The following PLCB4 variants were observed in gnomAD, a reference collection of about 807,000 sequenced individuals.
PLCB4 encodes the protein phospholipase C beta 4, also known as 1-phosphatidylinositol 4,5-bisphosphate phosphodiesterase beta-4.
A neutral mutation model predicts 178.8 loss-of-function variants in PLCB4; 77 were observed. That is an observed-to-expected ratio of 0.43 (90% CI 0.36 to 0.52). The LOEUF is 0.52. PLCB4 is among the 20% of genes least tolerant of loss of function. PLCB4 has a pLI of 0.00. For synonymous variants in PLCB4, 496 were observed against 490.8 expected (o/e 1.01, Z -0.14); for missense variants, 1,024 against 1,453.4 (o/e 0.70, Z 4.80).
intron 11 of PLCB4, 45 bp downstream of exon 11, chr20:9,372,448 T>A: frequency 1.0e-6 from 1 of 953,838 alleles, no homozygotes; most frequent in Non-Finnish European, 1.6e-6. Flanking sequence ...ATTATCACTG[T>A]CCTTTTCGAT....
intron 3 of PLCB4, among the ~76,000 whole-genome samples, chr20:9,262,560 A>G (rs1601497212): frequency 6.6e-6 from 1 of 152,162 alleles, no homozygotes; most frequent in South Asian, 2.1e-4. Context: ...AGTTTTAATA[A>G]TAGAGGAGTT....
At chr20:9,075,042 A>C (rs923788605) in intron 1 of PLCB4, among the ~76,000 whole-genome samples, 1 of 152,160 alleles carries the variant, frequency 6.6e-6, no homozygotes, top group African/African-American at 2.4e-5. Flanking sequence ...TTGAGCAGTT[A>C]AAATGTGCCA....
intron 3 of PLCB4, among the ~76,000 whole-genome samples, chr20:9,304,144 G>A (rs2094737152): frequency 6.7e-6 from 1 of 149,018 alleles, no homozygotes. Context: ...TACATATCTA[G>A]GTTTTGGTTT....
At chr20:9,426,626 C>G (rs1003153806) in intron 28 of PLCB4, among the ~76,000 whole-genome samples, 4 of 152,118 alleles carry the variant, frequency 2.6e-5, no homozygotes, top group Admixed American at 2.0e-4. Flanking sequence ...ATCCACTTGC[C>G]TTGGCCTCCC....
At chr20:9,378,839 ACATCCAAGTGCTCTGTTGGCCAAAAG>A (rs2036902107) in intron 12 of PLCB4, among the ~76,000 whole-genome samples, 1 of 152,162 alleles carries the variant, frequency 6.6e-6, no homozygotes, top group African/African-American at 2.4e-5. Context: ...TGAGGAAATG[ACATCCAAGTGCTCTGTTGGCCAAAAG>A]CATTCATTCT....
upstream of PLCB4, chr20:9,068,886 C>A (rs1221219776): frequency 6.6e-6 from 1 of 151,444 alleles, no homozygotes; most frequent in East Asian, 2.0e-4. Flanking sequence ...ACGGCGGAGA[C>A]CCCCGCCCTC....
At chr20:9,220,655 T>TATA (rs1230189744) in intron 3 of PLCB4, among the ~76,000 whole-genome samples, 2 of 152,142 alleles carry the variant, frequency 1.3e-5, no homozygotes, top group Non-Finnish European at 2.9e-5. Flanking sequence ...TTGTATTAAT[T>TATA]ATATACAGAA....
intron 20 of PLCB4, among the ~76,000 whole-genome samples, chr20:9,404,090 T>C (rs1283977807): frequency 6.6e-6 from 1 of 152,144 alleles, no homozygotes; most frequent in African/African-American, 2.4e-5. Flanking sequence ...CTTTTTCGGA[T>C]GAATGAATCT....
rs147021425 is a variant in PLCB4, at chr20:9,143,359, T to C, written c.-79+47017T>C. ...TGTTGAGTGAATGAAACAAATGCTGTTAGAAACTTCTTTTTGAGTGGAATT... is the reference window on the plus strand; with the variant it reads ...TGTTGAGTGAATGAAACAAATGCTGCTAGAAACTTCTTTTTGAGTGGAATT... On this transcript the variant is annotated intron_variant, in intron 2 of 39. Transcript: ENST00000378473. Among the ~76,000 whole-genome samples, 503 of 152,288 alleles carry C rather than the reference T, an allele frequency of 3.3e-3. 3 individuals carry two copies. The highest frequency in any genetic ancestry group is 0.011 in the African/African-American group (465 of 41,572).
intron 3 of PLCB4, among the ~76,000 whole-genome samples, chr20:9,277,487 A>G (rs988320402): frequency 2.0e-5 from 3 of 152,014 alleles, no homozygotes; most frequent in Non-Finnish European, 4.4e-5. Context: ...AGCCAGATTA[A>G]AGATGCACAG....
intron 3 of PLCB4, among the ~76,000 whole-genome samples, chr20:9,254,677 A>G (rs1316743475): frequency 1.3e-5 from 2 of 152,190 alleles, no homozygotes; most frequent in Non-Finnish European, 2.9e-5. Context: ...CAGTCTGGGC[A>G]ACGGAGCAAA....
Position 9,111,358 on chromosome 20 carries a change from T to C in PLCB4, c.-79+15016T>C, listed in dbSNP as rs572664181. Among the ~76,000 whole-genome samples the C allele has an allele frequency of 7.2e-5, 11 of 152,312 alleles. No homozygotes were observed. In the East Asian group the frequency reaches 2.1e-3, roughly 29 times the overall value. On this transcript the variant is annotated intron_variant, in intron 2 of 39. Coordinates refer to ENST00000378473, the MANE Select transcript of PLCB4 (RefSeq NM_001377142.1). The stretch of plus-strand genomic sequence containing the variant: ...TGCTTTTGTAACCTCCTTTTCCTAC[T>C]TAATATATTATGAATGTTTTCTACT...
intron 25 of PLCB4, among the ~76,000 whole-genome samples, chr20:9,412,973 G>C (rs2039962865): frequency 6.6e-6 from 1 of 152,192 alleles, no homozygotes; most frequent in African/African-American, 2.4e-5. Context: ...TTGAATGAGT[G>C]TACGAAAGTA....
intron 32 of PLCB4, 151 bp downstream of exon 32, chr20:9,444,394 G>A: frequency 1.7e-6 from 1 of 586,892 alleles, no homozygotes; most frequent in South Asian, 2.2e-5. Context: ...ATCGGTTTGG[G>A]AGTGCTTGTC....
chr20:9,134,764 C>G (rs2092347873), intron 2 of PLCB4, among the ~76,000 whole-genome samples: 1 of 152,020 alleles, frequency 6.6e-6, no homozygotes, highest in Non-Finnish European at 1.5e-5. Flanking sequence ...TATGAATGTG[C>G]TAGTTAGGAA....
At chr20:9,418,715 G>A (rs1568787007) in intron 25 of PLCB4, among the ~76,000 whole-genome samples, 1 of 152,048 alleles carries the variant, frequency 6.6e-6, no homozygotes, top group Non-Finnish European at 1.5e-5. Flanking sequence ...AAGTCAGCTG[G>A]GATTTTGATA....
At chr20:9,081,710 T>A (rs1478262066) in intron 1 of PLCB4, among the ~76,000 whole-genome samples, 1 of 144,882 alleles carries the variant, frequency 6.9e-6, no homozygotes, top group East Asian at 2.0e-4. Context: ...AATAACCAAA[T>A]GCCATTATTG....
chr20:9,373,309 T>G (rs2036404202), intron 12 of PLCB4, among the ~76,000 whole-genome samples: 1 of 152,230 alleles, frequency 6.6e-6, no homozygotes, highest in Non-Finnish European at 1.5e-5. Flanking sequence ...TGCACACCAC[T>G]TTTTGTTGGT....
At chr20:9,176,127 C>G (rs1374292747) in intron 2 of PLCB4, among the ~76,000 whole-genome samples, 1 of 152,136 alleles carries the variant, frequency 6.6e-6, no homozygotes, top group African/African-American at 2.4e-5. Flanking sequence ...TTCTTTTTAT[C>G]TGGCTTTTTT....
Sources: gnomAD v4.1 joint callset for allele counts (sites outside exome capture counted in the v4.1 genomes callset) on GRCh38, gnomAD v4.1.1 for gene constraint, MANE v1.5 for transcripts, NCBI Gene and HGNC (gene_info 2026-07-23, HGNC 2026-07-21) for gene names.